Variants in DMD observed in about 807,000 individuals in gnomAD.
DMD encodes dystrophin, also known as mutant dystrophin.
DMD carries 63 observed loss-of-function variants against 330.1 expected under a neutral mutation model. The ratio of observed to expected loss-of-function variants is 0.19; its 90% confidence interval spans 0.16 to 0.24. DMD has a LOEUF of 0.24. Ranked by LOEUF, DMD falls within the 10% of genes least tolerant of loss-of-function variation. The pLI, the probability that DMD is intolerant of heterozygous loss-of-function variation, is 1.00. For synonymous variants in DMD, 1,223 were observed against 959.8 expected (o/e 1.27, Z -5.07); for missense variants, 3,344 against 2,684.1 (o/e 1.25, Z -5.43).
At chrX:32,913,180 CT>C (rs2087455688) in intron 2 of DMD, among the ~76,000 whole-genome samples, 1 of 111,355 alleles carries the variant, frequency 9.0e-6, no homozygotes, top group South Asian at 3.8e-4. Flanking sequence ...AAAGTGGCCC[CT>C]GGTAACATTT....
At chrX:31,608,044 T>A (rs2148272430) in intron 55 of DMD, among the ~76,000 whole-genome samples, 1 of 112,075 alleles carries the variant, frequency 8.9e-6, no homozygotes, top group African/African-American at 3.2e-5. Flanking sequence ...TTTCTAATAT[T>A]ATATAACAAA....
chrX:32,863,362 C>G (rs1277868112), intron 2 of DMD, among the ~76,000 whole-genome samples: 1 of 108,651 alleles, frequency 9.2e-6, no homozygotes, highest in East Asian at 2.9e-4. Context: ...ACTAAAAATA[C>G]AAAAGTTAGC....
intron 52 of DMD, among the ~76,000 whole-genome samples, chrX:31,708,561 C>T (rs1426914128): frequency 9.0e-6 from 1 of 111,400 alleles, no homozygotes; most frequent in Non-Finnish European, 1.9e-5. Context: ...ATTCCATATC[C>T]TACTTTTTTT....
chrX:32,014,879 T>C (rs1569532112), intron 44 of DMD, among the ~76,000 whole-genome samples: 1 of 112,295 alleles, frequency 8.9e-6, no homozygotes, highest in Non-Finnish European at 1.9e-5. Flanking sequence ...TTAGTACTAC[T>C]AAGCATACTC....
chrX:31,337,212 C>T (rs1333133297), intron 61 of DMD, among the ~76,000 whole-genome samples: 2 of 110,589 alleles, frequency 1.8e-5, no homozygotes, highest in Non-Finnish European at 3.8e-5. Flanking sequence ...TGTGAGCCAC[C>T]GCGCCCGGCC....
rs1364258311 is a variant in DMD at position 32,252,887 on chromosome X, T to A, written c.6290+34642A>T. ...ATATATAAATATATAAAAATATATA[T>A]AAATATATATAAATATATACATAAA... On this transcript the variant is annotated intron_variant, in intron 43 of 78. Transcript: ENST00000357033. Among the ~76,000 whole-genome samples the A allele has an allele frequency of 8.4e-3, 661 of 78,454 alleles. 18 individuals carry two copies. The highest frequency in any genetic ancestry group is 0.033 in the African/African-American group (624 of 18,991). The allele number at this position is 78,454 out of a possible 115,157, so 68.1% of individuals were successfully genotyped here.
chrX:33,318,352 T>C (rs1253895301), intron 1 of DMD, among the ~76,000 whole-genome samples: 1 of 110,987 alleles, frequency 9.0e-6, no homozygotes, highest in Non-Finnish European at 1.9e-5. Context: ...TATATACATG[T>C]TCGATTAGAT....
intron 2 of DMD, among the ~76,000 whole-genome samples, chrX:32,901,489 A>G (rs901633265): frequency 9.2e-6 from 1 of 109,038 alleles, no homozygotes; most frequent in African/African-American, 3.6e-5. Flanking sequence ...AAACATACCC[A>G]GTTTTTTGAA....
chrX:32,489,984 C>G (rs2042842852), intron 20 of DMD, among the ~76,000 whole-genome samples: 1 of 111,980 alleles, frequency 8.9e-6, no homozygotes, highest in Non-Finnish European at 1.9e-5. Context: ...CCTCAGCAAA[C>G]TAACACAAGA....
chrX:32,682,103 T>C (rs919898182), intron 9 of DMD, among the ~76,000 whole-genome samples: 1 of 111,699 alleles, frequency 9.0e-6, no homozygotes, highest in African/African-American at 3.3e-5. Flanking sequence ...TGGATTTTCT[T>C]CCGAGTGTAA....
intron 55 of DMD, among the ~76,000 whole-genome samples, chrX:31,594,754 C>T (rs1018723194): frequency 1.8e-5 from 2 of 110,370 alleles, no homozygotes; most frequent in African/African-American, 6.6e-5. Context: ...AGTAGTTGCC[C>T]ATACTTTCCA....
intron 9 of DMD, among the ~76,000 whole-genome samples, chrX:32,676,883 T>C (rs756630494): frequency 3.0e-4 from 34 of 111,785 alleles, no homozygotes; most frequent in Non-Finnish European, 5.9e-4. Context: ...TTATTTCCTA[T>C]CTTCAGTTTT....
chrX:33,074,528 G>A (rs985992373), intron 1 of DMD, among the ~76,000 whole-genome samples: 6 of 110,696 alleles, frequency 5.4e-5, no homozygotes, highest in Non-Finnish European at 1.1e-4. Flanking sequence ...CCCCAGTGTG[G>A]CAGTATTGAG....
intron 57 of DMD, among the ~76,000 whole-genome samples, chrX:31,486,942 T>C (rs1434672937): frequency 8.9e-6 from 1 of 111,968 alleles, no homozygotes; most frequent in Non-Finnish European, 1.9e-5. Flanking sequence ...AAATGCTCAC[T>C]TCGGGACAAG....
chrX:31,306,961 G>C (rs1267245570), intron 62 of DMD, among the ~76,000 whole-genome samples: 1 of 110,069 alleles, frequency 9.1e-6, no homozygotes, highest in Non-Finnish European at 1.9e-5. Context: ...CTTTTTTTCT[G>C]ATGTTTTACT....
intron 44 of DMD, among the ~76,000 whole-genome samples, chrX:32,183,605 G>A (rs2096935599): frequency 9.8e-6 from 1 of 102,352 alleles, no homozygotes; most frequent in South Asian, 4.2e-4. Flanking sequence ...TATACATAGA[G>A]AGAATCTAAA....
chrX:33,092,179 G>C (rs1302096435), intron 1 of DMD, among the ~76,000 whole-genome samples: 5 of 111,604 alleles, frequency 4.5e-5, no homozygotes, highest in Non-Finnish European at 7.5e-5. Context: ...ACTCCCAAAT[G>C]TAGTTGGACA....
intron 7 of DMD, among the ~76,000 whole-genome samples, chrX:32,733,113 C>T (rs2067943611): frequency 9.3e-6 from 1 of 107,891 alleles, no homozygotes; most frequent in South Asian, 4.0e-4. Context: ...GGTTGCAATC[C>T]TAGTCTCTGA....
chrX:31,673,042 A>T (rs1213228297), intron 53 of DMD, among the ~76,000 whole-genome samples: 6 of 112,364 alleles, frequency 5.3e-5, no homozygotes, highest in African/African-American at 1.9e-4. Context: ...GGTTTATTCC[A>T]GGGAGCTGCA....
Sources: gnomAD v4.1 joint callset for allele counts (sites outside exome capture counted in the v4.1 genomes callset) on GRCh38, gnomAD v4.1.1 for gene constraint, MANE v1.5 for transcripts, NCBI Gene and HGNC (gene_info 2026-07-23, HGNC 2026-07-21) for gene names.